Variants in CDYL2 observed in about 807,000 individuals in gnomAD.
The protein encoded by CDYL2 is chromodomain Y-like protein 2.
A neutral mutation model predicts 49.4 loss-of-function variants in CDYL2; 23 were observed. The ratio of observed to expected loss-of-function variants is 0.47; its 90% CI spans 0.34 to 0.66. CDYL2 has a LOEUF of 0.66. CDYL2 is among the 30% of genes least tolerant of loss of function. CDYL2 has a pLI of 0.01. For synonymous variants in CDYL2, 360 were observed against 268.8 expected (o/e 1.34, Z -3.32); for missense variants, 678 against 656.4 (o/e 1.03, Z -0.36).
At chr16:80,640,383 C>T (rs989325829) in intron 2 of CDYL2, among the ~76,000 whole-genome samples, 2 of 152,164 alleles carry the variant, frequency 1.3e-5, no homozygotes, top group African/African-American at 2.4e-5. Flanking sequence ...AAGGATTCAT[C>T]ACCTGCTAAC....
At chr16:80,763,653 G>C (rs939971248) in intron 1 of CDYL2, among the ~76,000 whole-genome samples, 1 of 152,040 alleles carries the variant, frequency 6.6e-6, no homozygotes, top group African/African-American at 2.4e-5. Context: ...TCATCAGAAA[G>C]GGTAAAACAA....
intron 6 of CDYL2, 69 bp downstream of exon 6, chr16:80,608,023 G>A (rs542432411): frequency 6.8e-7 from 1 of 1,479,348 alleles, no homozygotes; most frequent in African/African-American, 1.4e-5. Context: ...AGCCCTCTGA[G>A]CCTTGCTGTC....
chr16:80,733,626 T>A (rs939876345), intron 1 of CDYL2, among the ~76,000 whole-genome samples: 2 of 152,144 alleles, frequency 1.3e-5, no homozygotes, highest in African/African-American at 4.8e-5. Context: ...GATGTGCCTC[T>A]TCGCAAGTGC....
At chr16:80,677,617 T>TA (rs1909806008) in intron 2 of CDYL2, among the ~76,000 whole-genome samples, 1 of 151,790 alleles carries the variant, frequency 6.6e-6, no homozygotes, top group Non-Finnish European at 1.5e-5. Flanking sequence ...CAGGCGCCTG[T>TA]AGTCCCAGCT....
chr16:80,757,644 CTATA>C (rs1295232833), intron 1 of CDYL2, among the ~76,000 whole-genome samples: 2 of 150,342 alleles, frequency 1.3e-5, no homozygotes, highest in Admixed American at 6.6e-5. Context: ...TATTTGATAT[CTATA>C]TATTTATTTG....
At chr16:80,651,436 T>C (rs1908578153) in intron 2 of CDYL2, among the ~76,000 whole-genome samples, 1 of 151,888 alleles carries the variant, frequency 6.6e-6, no homozygotes, top group African/African-American at 2.4e-5. Context: ...GAGGTTCCAG[T>C]GGAATAAGGG....
intron 1 of CDYL2, among the ~76,000 whole-genome samples, chr16:80,738,334 C>T (rs1038418317): frequency 4.4e-4 from 67 of 152,028 alleles, no homozygotes; most frequent in African/African-American, 1.5e-3. Flanking sequence ...CATACATGCG[C>T]ATCTGTCTTT....
chr16:80,694,947 C>T (rs1567574328), intron 1 of CDYL2, among the ~76,000 whole-genome samples: 1 of 152,214 alleles, frequency 6.6e-6, no homozygotes, highest in Non-Finnish European at 1.5e-5. Context: ...AAAACTGGAA[C>T]AATCTGAGTA....
chr16:80,797,732 A>T (rs1012971754), intron 1 of CDYL2, among the ~76,000 whole-genome samples: 2 of 152,186 alleles, frequency 1.3e-5, no homozygotes, highest in African/African-American at 4.8e-5. Flanking sequence ...TGACTGATAT[A>T]CCAAATGTTG....
chr16:80,717,149 A>AGATGGATGGATG (rs200642445), intron 1 of CDYL2, among the ~76,000 whole-genome samples: 28 of 138,032 alleles, frequency 2.0e-4, no homozygotes, highest in African/African-American at 7.4e-4. Flanking sequence ...CTGGATCGAT[A>AGATGGATGGATG]GATGGATGGA....
Position 80,653,704 on chromosome 16 carries a change from G to C in CDYL2, c.617-20468C>G, listed in dbSNP as rs555041559. Among the ~76,000 whole-genome samples the C allele has an allele frequency of 1.2e-4, 18 of 152,250 alleles. No individual in the cohort carries two copies. In the East Asian group the frequency reaches 1.4e-3, roughly 11 times the overall value. On this transcript the variant is annotated intron_variant, in intron 2 of 6. Coordinates refer to ENST00000570137, the MANE Select transcript of CDYL2 (RefSeq NM_152342.4). The stretch of plus-strand genomic sequence containing the variant: ...TATTCTTTGAGTTACAAACAATCTA[G>C]TTACACTCTTTAAGCTATTATTTTA...
chr16:80,657,354 A>G (rs1261378661), intron 2 of CDYL2, among the ~76,000 whole-genome samples: 1 of 152,228 alleles, frequency 6.6e-6, no homozygotes, highest in Non-Finnish European at 1.5e-5. Flanking sequence ...AGCAAATGAC[A>G]AACTGGGAAA....
chr16:80,639,090 T>C (rs1342134111), intron 2 of CDYL2, among the ~76,000 whole-genome samples: 2 of 152,216 alleles, frequency 1.3e-5, no homozygotes, highest in Non-Finnish European at 2.9e-5. Context: ...ACAAGCATAT[T>C]GAAATGACAT....
At chr16:80,777,918 T>G (rs1907142080) in intron 1 of CDYL2, among the ~76,000 whole-genome samples, 1 of 151,970 alleles carries the variant, frequency 6.6e-6, no homozygotes, top group African/African-American at 2.4e-5. Context: ...ACTAAAATTC[T>G]AAACACTCAC....
At chr16:80,662,830 A>C in intron 2 of CDYL2, 1 of 449,336 alleles carries the variant, frequency 2.2e-6, no homozygotes, top group South Asian at 1.6e-5. Flanking sequence ...ACATCTTGAC[A>C]AGGATTTTCT....
intron 2 of CDYL2, among the ~76,000 whole-genome samples, chr16:80,675,287 G>C (rs1909696814): frequency 6.6e-6 from 1 of 152,180 alleles, no homozygotes; most frequent in South Asian, 2.1e-4. Context: ...TTCTCTCAGT[G>C]CTGTGTCTTA....
At chr16:80,781,389 A>G (rs1407682995) in intron 1 of CDYL2, among the ~76,000 whole-genome samples, 1 of 152,228 alleles carries the variant, frequency 6.6e-6, no homozygotes, top group East Asian at 1.9e-4. Flanking sequence ...AAATATATGA[A>G]GCAAAAAACT....
chr16:80,689,317 A>G (rs1215229345), intron 1 of CDYL2, among the ~76,000 whole-genome samples: 1 of 152,188 alleles, frequency 6.6e-6, no homozygotes, highest in Non-Finnish European at 1.5e-5. Context: ...TGGCTGTCTC[A>G]GTAGGATTAA....
At chr16:80,765,791 G>T (rs1166031091) in intron 1 of CDYL2, among the ~76,000 whole-genome samples, 4 of 142,662 alleles carry the variant, frequency 2.8e-5, no homozygotes. Flanking sequence ...CGGTAGCTCT[G>T]GCTACCTGGG....
Sources: allele counts gnomAD v4.1 joint callset (sites outside exome capture counted in the v4.1 genomes callset), GRCh38; gene constraint gnomAD v4.1.1; transcripts MANE v1.5; gene names NCBI Gene and HGNC (gene_info 2026-07-23, HGNC 2026-07-21).